WDR19: variants seen among roughly 807,000 people sequenced by gnomAD.
WDR19 encodes WD repeat domain 19.
Under a neutral mutation model 180.0 loss-of-function variants are expected in WDR19, and 121 were observed. The observed-to-expected ratio is 0.67, with a 90% confidence interval of 0.58 to 0.78. WDR19 has a LOEUF of 0.78. Among genes scored for constraint, WDR19 ranks in the 30% least tolerant of loss-of-function variants. WDR19 has a pLI of 0.00. For synonymous variants in WDR19, 497 were observed against 540.7 expected (o/e 0.92, Z 1.12); for missense variants, 1,450 against 1,640.7 (o/e 0.88, Z 2.01).
At chr4:39,254,910 A>G (rs184741087) in intron 26 of WDR19, among the ~76,000 whole-genome samples, 1 of 152,194 alleles carries the variant, frequency 6.6e-6, no homozygotes, top group African/African-American at 2.4e-5. Context: ...TCTGTTTTTT[A>G]AAATCCACGA....
chr4:39,228,063 T>G lies in WDR19; in HGVS notation c.1630-147T>G. ...CTAGGATAGGAATGGAAAAAGAAAC[T>G]TTCTTTCCTGTTGTTGTTGGAGTGA... On this transcript the variant is annotated intron_variant, in intron 15 of 36. Coordinates refer to ENST00000399820, the MANE Select transcript of WDR19 (RefSeq NM_025132.4). 7.6e-6 allele frequency: 6 copies of G among 790,114 alleles called. No homozygotes were observed. The South Asian group carries it at 1.7e-4, about 22-fold the overall frequency. The allele number at this position is 790,114 out of a possible 1,614,324, so 48.9% of individuals were successfully genotyped here. A position where few individuals can be genotyped will look rare whatever the true frequency, so the allele number is the denominator to read the frequency against.
intron 28 of WDR19, among the ~76,000 whole-genome samples, chr4:39,263,783 G>C (rs1454958203): frequency 6.6e-6 from 1 of 152,106 alleles, no homozygotes; most frequent in African/African-American, 2.4e-5. Context: ...AATTAGCCGG[G>C]AGTGGTGGCA....
intron 6 of WDR19, among the ~76,000 whole-genome samples, chr4:39,202,435 A>G (rs1207201671): frequency 6.6e-6 from 1 of 152,206 alleles, no homozygotes; most frequent in African/African-American, 2.4e-5. Flanking sequence ...TTTCAAAGTT[A>G]CTCATAATTA....
chr4:39,272,939 T>C, intron 31 of WDR19, 41 bp from the exon 32 acceptor site: 1 of 1,483,130 alleles, frequency 6.7e-7, no homozygotes, highest in Non-Finnish European at 9.1e-7. Context: ...TTGGGGCTAA[T>C]CAATGACTAT....
chr4:39,220,560 A>ATTTTTTTTTTTTTTTTTTTTTTT (rs142037096), intron 14 of WDR19, among the ~76,000 whole-genome samples: 2 of 64,376 alleles, frequency 3.1e-5, no homozygotes, highest in Non-Finnish European at 5.0e-5. Context: ...GACCTCCTTG[A>ATTTTTTTTTTTTTTTTTTTTTTT]TTTTTTTTTT....
chr4:39,213,001 C>T (rs929881664), intron 9 of WDR19, among the ~76,000 whole-genome samples: 39 of 152,144 alleles, frequency 2.6e-4, no homozygotes, highest in Non-Finnish European at 2.4e-4. Context: ...CATGATTAGC[C>T]ATTAGGGAAG....
chr4:39,244,563 C>T lies in WDR19; in HGVS notation c.2645+11C>T. 1 of 1,613,894 alleles carries T rather than the reference C, an allele frequency of 6.2e-7. No homozygotes were observed. Among genetic ancestry groups the T allele is most frequent in the Non-Finnish European group, 8.5e-7 (1 of 1,179,816 alleles). The stretch of plus-strand genomic sequence containing the variant: ...CCGCTCTAAGAATTGGTAAGAGCTG[C>T]CTGCGGTTTGTTTCTGAACAGGATT... On this transcript the variant is annotated intron_variant, in intron 23 of 36. Transcript: ENST00000399820.
intron 21 of WDR19, among the ~76,000 whole-genome samples, chr4:39,243,669 A>G (rs1394151330): frequency 6.6e-6 from 1 of 152,232 alleles, no homozygotes. Context: ...TCAAATGCCC[A>G]GTAGCTACCA....
In WDR19 at chr4:39,224,891, T is replaced by C. The variant is rs772209665; in HGVS notation, c.1487T>C (p.Val496Ala). The change falls in exon 15 of 37, where the codon GTC (valine) becomes GCC (alanine). Residue 496 changes from valine (V) to alanine (A), a missense_variant. By Grantham distance (64) the Val-to-Ala change is moderately conservative (BLOSUM62 0). Coordinates refer to ENST00000399820, the MANE Select transcript of WDR19 (RefSeq NM_025132.4). ...DFLIYGTDTG[V>A]VQYFYIEDWQ... ...ATTTTTTTTTTTTTTTAGACTGGTG[T>C]CGTTCAGTATTTCTACATTGAAGAC... The C allele has an allele frequency of 2.0e-6, 3 of 1,508,450 alleles. No individual in the cohort carries two copies. The highest frequency in any genetic ancestry group is 2.7e-6 in the Non-Finnish European group (3 of 1,128,062). The allele number at this position is 1,508,450 out of a possible 1,614,324, so 93.4% of individuals were successfully genotyped here.
At chr4:39,230,062 T>C (rs1730681156) in intron 17 of WDR19, among the ~76,000 whole-genome samples, 2 of 152,196 alleles carry the variant, frequency 1.3e-5, no homozygotes, top group South Asian at 2.1e-4. Flanking sequence ...CCACACACTT[T>C]TGAAGATGTG....
intron 15 of WDR19, among the ~76,000 whole-genome samples, chr4:39,227,419 A>G (rs1289691903): frequency 1.3e-5 from 2 of 152,168 alleles, no homozygotes; most frequent in African/African-American, 4.8e-5. Context: ...TGGGTTCCTC[A>G]TCCATGGATT....
intron 6 of WDR19, among the ~76,000 whole-genome samples, 180 bp from the exon 7 acceptor site, chr4:39,203,462 C>G (rs971867178): frequency 5.3e-5 from 8 of 152,076 alleles, no homozygotes; most frequent in African/African-American, 1.9e-4. Flanking sequence ...GCTTATTTAT[C>G]TATTTAATAA....
chr4:39,272,747 G>C lies in WDR19; in HGVS notation c.3484-233G>C, dbSNP rs192581427. On this transcript the variant is annotated intron_variant, in intron 31 of 36. Coordinates refer to ENST00000399820, the MANE Select transcript of WDR19 (RefSeq NM_025132.4). ...CTGGGGATTTGAACCCATACCAAGT[G>C]GTCTAGGGCAAAGTGAAAAGCAGAG... is the stretch of plus-strand genomic sequence containing the variant. 1.4e-3 allele frequency among the ~76,000 whole-genome samples: 217 copies of C among 152,296 alleles called. 1 individual carries two copies. Among genetic ancestry groups the C allele is most frequent in the Non-Finnish European group, 2.5e-3 (172 of 68,026 alleles).
intron 33 of WDR19, chr4:39,275,221 T>C: frequency 2.5e-6 from 1 of 406,914 alleles, no homozygotes; most frequent in Non-Finnish European, 4.7e-6. Context: ...ACACCTGTAG[T>C]CCCAGCTACT....
At chr4:39,262,956 C>T (rs747817106) in intron 28 of WDR19, among the ~76,000 whole-genome samples, 10 of 152,250 alleles carry the variant, frequency 6.6e-5, no homozygotes, top group East Asian at 1.9e-4. Flanking sequence ...CACTTTTACT[C>T]GTGACTTGCA....
intron 4 of WDR19, among the ~76,000 whole-genome samples, chr4:39,191,235 A>T (rs1350365821): frequency 6.6e-6 from 1 of 152,232 alleles, no homozygotes; most frequent in Non-Finnish European, 1.5e-5. Flanking sequence ...TTCAAAGGTC[A>T]ATCTGTTACA....
At chr4:39,231,014 A>G (rs1324119430) in intron 17 of WDR19, among the ~76,000 whole-genome samples, 4 of 152,134 alleles carry the variant, frequency 2.6e-5, no homozygotes, top group Admixed American at 6.5e-5. Flanking sequence ...CAGACAATCC[A>G]TTAAAGAGTG....
At chr4:39,254,205 G>A (rs1733536179) in intron 26 of WDR19, among the ~76,000 whole-genome samples, 175 bp downstream of exon 26, 1 of 152,128 alleles carries the variant, frequency 6.6e-6, no homozygotes, top group African/African-American at 2.4e-5. Context: ...GAAGATCCCT[G>A]CTACTTCAAG....
chr4:39,215,892 C>G lies in WDR19; in HGVS notation c.1013C>G (p.Thr338Ser), dbSNP rs751273120. ...GATGGCCAGTTGCTAGCACTCTCTA[C>G]CCAAAGGGGCTCACTTCATGTTTTC... ...TDDGQLLALS[T>S]QRGSLHVFLT... is the part of the protein sequence containing the mutation. The change falls in exon 11 of 37, where the codon ACC (threonine) becomes AGC (serine). Residue 338 changes from threonine to serine, a missense_variant. Thr to Ser is a moderately conservative substitution (Grantham distance 58). Transcript: ENST00000399820. 5.0e-6 allele frequency: 8 copies of G among 1,613,724 alleles called. No individual in the cohort carries two copies. Among genetic ancestry groups the G allele is most frequent in the Non-Finnish European group, 6.8e-6 (8 of 1,179,830 alleles).
Sources: gnomAD v4.1 joint callset for allele counts (sites outside exome capture counted in the v4.1 genomes callset) on GRCh38, gnomAD v4.1.1 for gene constraint, MANE v1.5 for transcripts, NCBI Gene and HGNC (gene_info 2026-07-23, HGNC 2026-07-21) for gene names.